STOX2: variants seen among roughly 807,000 people sequenced by gnomAD.
The protein encoded by STOX2 is storkhead box 2.
STOX2 carries 28 observed loss-of-function variants against 60.9 expected under a neutral mutation model. That is an observed-to-expected ratio of 0.46 (90% CI 0.34 to 0.63). The LOEUF (loss-of-function observed/expected upper bound fraction) is 0.63, where lower values mean the gene tolerates loss of function less well. STOX2 is among the 30% of genes least tolerant of loss of function. The pLI, the probability that STOX2 is intolerant of heterozygous loss-of-function variation, is 0.01. For missense variants in STOX2, 1,024 were observed against 1,187.7 expected (o/e 0.86, Z 2.03); for synonymous variants, 472 against 463.9 (o/e 1.02, Z -0.22).
chr4:183,941,256 G>T (rs935916544), intron 1 of STOX2, among the ~76,000 whole-genome samples: 3 of 151,942 alleles, frequency 2.0e-5, no homozygotes, highest in Non-Finnish European at 4.4e-5. Flanking sequence ...CTACTCTTCA[G>T]TTCTTTCATT....
At chr4:183,826,828 C>T (rs1407597139) in intron 1 of STOX2, among the ~76,000 whole-genome samples, 3 of 152,234 alleles carry the variant, frequency 2.0e-5, no homozygotes, top group Non-Finnish European at 4.4e-5. Context: ...AAGAGAAAGG[C>T]TGTGTTTTAT....
At chr4:183,888,212 T>G (rs549695124) in intron 1 of STOX2, among the ~76,000 whole-genome samples, 2 of 152,268 alleles carry the variant, frequency 1.3e-5, no homozygotes, top group African/African-American at 4.8e-5. Flanking sequence ...GATTCAAAGC[T>G]CTGAGCAAGA....
chr4:183,856,779 C>A lies in STOX2; in HGVS notation c.364+58724C>A, dbSNP rs1740295877. Among the ~76,000 whole-genome samples, 1 of 152,150 alleles carries A rather than the reference C, an allele frequency of 6.6e-6. No homozygotes were observed. The highest frequency in any genetic ancestry group is 2.4e-5 in the African/African-American group (1 of 41,430). ...AAAAATAGTCTTTTTTCAGTAGTGT[C>A]TGTTTAATAGTTACTGCATATATAT... On this transcript the variant is annotated intron_variant, in intron 1 of 2. Coordinates refer to the STOX2 transcript ENST00000513034. The surrounding 1 kb of genome is among the most constrained non-coding windows in gnomAD (Gnocchi z 4.0).
At chr4:183,846,735 T>G (rs1739999087) in intron 1 of STOX2, among the ~76,000 whole-genome samples, 1 of 152,160 alleles carries the variant, frequency 6.6e-6, no homozygotes, top group Admixed American at 6.5e-5. Flanking sequence ...TTAAAATCTT[T>G]GCCTAGTAAG....
At chr4:184,013,920 G>A (rs546957646) in intron 3 of STOX2, 1 of 152,148 alleles carries the variant, frequency 6.6e-6, no homozygotes, top group Non-Finnish European at 1.5e-5. Flanking sequence ...CTGAGTAGCT[G>A]GGACTACAGG....
At chr4:183,819,377 C>T (rs1739247863) in intron 1 of STOX2, among the ~76,000 whole-genome samples, 1 of 151,892 alleles carries the variant, frequency 6.6e-6, no homozygotes, top group Non-Finnish European at 1.5e-5. Context: ...ACCCCGTCTC[C>T]ACCAAAAAAA....
At chr4:183,909,889 A>G (rs1324074568) in intron 1 of STOX2, among the ~76,000 whole-genome samples, 1 of 152,250 alleles carries the variant, frequency 6.6e-6, no homozygotes. Context: ...GATAAACTAC[A>G]CTTAAGCTCA....
At chr4:183,815,576 A>G (rs531691253) in intron 1 of STOX2, among the ~76,000 whole-genome samples, 9 of 152,344 alleles carry the variant, frequency 5.9e-5, no homozygotes, top group African/African-American at 2.2e-4. Context: ...CTCTTTGACA[A>G]GCAAGAGAGA....
intron 1 of STOX2, among the ~76,000 whole-genome samples, chr4:183,823,805 T>G (rs1166516285): frequency 6.6e-6 from 1 of 152,244 alleles, no homozygotes; most frequent in African/African-American, 2.4e-5. Flanking sequence ...GGCGTTTTCC[T>G]TGGCTCTTAA....
intron 1 of STOX2, among the ~76,000 whole-genome samples, chr4:183,985,855 C>T (rs1050361141): frequency 1.2e-4 from 19 of 152,168 alleles, no homozygotes; most frequent in Non-Finnish European, 2.5e-4. Context: ...TCTTAAGGTG[C>T]GTGTGCTTAT....
intron 1 of STOX2, among the ~76,000 whole-genome samples, chr4:183,909,655 G>T (rs1741723100): frequency 6.6e-6 from 1 of 152,180 alleles, no homozygotes; most frequent in Non-Finnish European, 1.5e-5. Flanking sequence ...GGACATGAGA[G>T]AGCCTTGGGA....
upstream of STOX2, among the ~76,000 whole-genome samples, chr4:183,904,226 A>T (rs1741528328): frequency 6.6e-6 from 1 of 152,212 alleles, no homozygotes; most frequent in South Asian, 2.1e-4. Context: ...ATGAAGCTTC[A>T]CCACCCACCT....
chr4:183,831,240 C>T (rs527647281), intron 1 of STOX2, among the ~76,000 whole-genome samples: 55 of 152,236 alleles, frequency 3.6e-4, no homozygotes, highest in African/African-American at 1.1e-3. Flanking sequence ...AAAGGTTGTC[C>T]TGTACAGAAC....
chr4:183,973,597 TAGAC>T (rs1164399624), intron 1 of STOX2, among the ~76,000 whole-genome samples: 2 of 152,188 alleles, frequency 1.3e-5, no homozygotes, highest in East Asian at 1.9e-4. Context: ...GAAATGCTGA[TAGAC>T]AGAAAATTAT....
chr4:184,000,301 G>T (rs988816618), intron 1 of STOX2, among the ~76,000 whole-genome samples: 1 of 152,138 alleles, frequency 6.6e-6, no homozygotes, highest in East Asian at 1.9e-4. Context: ...TATTTGCATT[G>T]TAGGTTGACA....
At chr4:183,949,325 T>C (rs2111141831) in intron 1 of STOX2, among the ~76,000 whole-genome samples, 1 of 151,660 alleles carries the variant, frequency 6.6e-6, no homozygotes, top group African/African-American at 2.4e-5. Context: ...AATTCAAAGG[T>C]AGCATTTTTT....
At chr4:183,934,207 T>G (rs142250670) in intron 1 of STOX2, among the ~76,000 whole-genome samples, 35,861 of 151,902 alleles carry the variant, frequency 0.24, 7,710 homozygotes, top group African/African-American at 0.57. Flanking sequence ...GGAGGCTGAG[T>G]TAGGAGTATC....
At chr4:183,834,292 C>T (rs534689411) in intron 1 of STOX2, among the ~76,000 whole-genome samples, 2 of 152,092 alleles carry the variant, frequency 1.3e-5, no homozygotes, top group African/African-American at 4.8e-5. Context: ...TCACACAGAC[C>T]GTTTTGGATC....
intron 3 of STOX2, chr4:184,013,964 A>AT (rs1350022587): frequency 3.3e-5 from 5 of 152,094 alleles, no homozygotes; most frequent in Non-Finnish European, 4.4e-5. Context: ...TTTTAAAAAA[A>AT]TTTTTGTAGA....
Sources: allele counts gnomAD v4.1 joint callset (sites outside exome capture counted in the v4.1 genomes callset), GRCh38; gene constraint gnomAD v4.1.1; non-coding constraint Gnocchi (gnomAD v3.1); transcripts MANE v1.5; gene names NCBI Gene and HGNC (gene_info 2026-07-23, HGNC 2026-07-21).